Variants in LUZP2 observed in about 807,000 individuals in gnomAD.
LUZP2 encodes the protein leucine zipper protein 2.
In LUZP2, 52 loss-of-function variants were observed where a neutral mutation model predicts 51.6. The ratio of observed to expected loss-of-function variants is 1.01; its 90% confidence interval spans 0.81 to 1.27. The LOEUF (loss-of-function observed/expected upper bound fraction) is 1.27, where lower values mean the gene tolerates loss of function less well. Among genes scored for constraint, LUZP2 ranks in the 50% most tolerant of loss-of-function variants. The pLI is 0.00. For missense variants in LUZP2, 436 were observed against 395.4 expected (o/e 1.10, Z -0.87); for synonymous variants, 154 against 137.3 (o/e 1.12, Z -0.85).
At chr11:24,558,898 C>T (rs1851950634) in intron 1 of LUZP2, among the ~76,000 whole-genome samples, 1 of 152,088 alleles carries the variant, frequency 6.6e-6, no homozygotes, top group Non-Finnish European at 1.5e-5. Flanking sequence ...ATTTCCAAAC[C>T]CCAGAGTGTA....
At chr11:24,962,102 T>C (rs930311315) in intron 7 of LUZP2, among the ~76,000 whole-genome samples, 8 of 152,168 alleles carry the variant, frequency 5.3e-5, no homozygotes, top group African/African-American at 1.9e-4. Context: ...TTGTAGAGTT[T>C]CTGCTGAGAG....
intron 5 of LUZP2, among the ~76,000 whole-genome samples, chr11:24,807,225 G>A (rs1364647354): frequency 6.6e-6 from 1 of 151,992 alleles, no homozygotes; most frequent in Non-Finnish European, 1.5e-5. Flanking sequence ...GGAGGCCAAG[G>A]TGGGAGGTGG....
chr11:24,625,457 A>G (rs1469840766), intron 1 of LUZP2, among the ~76,000 whole-genome samples: 2 of 152,070 alleles, frequency 1.3e-5, no homozygotes, highest in Non-Finnish European at 2.9e-5. Context: ...TATGTTAATT[A>G]GCTTCATTGT....
At chr11:24,640,268 A>G (rs1855235229) in intron 1 of LUZP2, among the ~76,000 whole-genome samples, 2 of 151,920 alleles carry the variant, frequency 1.3e-5, no homozygotes, top group African/African-American at 4.9e-5. Flanking sequence ...GCTGGGCGGA[A>G]AGTTAAGGGC....
chr11:24,521,112 A>T (rs960270661), intron 1 of LUZP2, among the ~76,000 whole-genome samples: 6 of 152,160 alleles, frequency 3.9e-5, no homozygotes, highest in African/African-American at 1.4e-4. Flanking sequence ...GCACTTTGGG[A>T]GGCCAAGGTG....
chr11:24,821,898 C>T (rs1030392935), intron 5 of LUZP2, among the ~76,000 whole-genome samples: 1 of 149,668 alleles, frequency 6.7e-6, no homozygotes, highest in Non-Finnish European at 1.5e-5. Context: ...TATTTAAAAG[C>T]TTCTGATTTA....
intron 1 of LUZP2, among the ~76,000 whole-genome samples, chr11:24,708,663 C>T (rs1590378659): frequency 1.3e-5 from 2 of 152,088 alleles, no homozygotes; most frequent in Non-Finnish European, 2.9e-5. Context: ...TGGTTCTTCA[C>T]CCCCACAAGA....
At chr11:24,762,095 A>ATCAC (rs1860002794) in intron 4 of LUZP2, among the ~76,000 whole-genome samples, 1 of 152,122 alleles carries the variant, frequency 6.6e-6, no homozygotes, top group Non-Finnish European at 1.5e-5. Flanking sequence ...CATTTTACGT[A>ATCAC]TTCTTGTTCT....
intron 9 of LUZP2, among the ~76,000 whole-genome samples, chr11:25,002,905 G>A (rs561121692): frequency 6.6e-6 from 1 of 152,190 alleles, no homozygotes; most frequent in East Asian, 1.9e-4. Flanking sequence ...ACAGGAGCCT[G>A]GCTACCTTGC....
intron 1 of LUZP2, among the ~76,000 whole-genome samples, chr11:24,654,566 G>T (rs578171215): frequency 6.6e-6 from 1 of 151,850 alleles, no homozygotes; most frequent in East Asian, 1.9e-4. Context: ...ACAGTGGCGC[G>T]ATCTCTGCTC....
At chr11:24,575,961 A>G (rs1420868847) in intron 1 of LUZP2, among the ~76,000 whole-genome samples, 1 of 152,174 alleles carries the variant, frequency 6.6e-6, no homozygotes, top group Non-Finnish European at 1.5e-5. Context: ...GCCTGCATTC[A>G]AATAATTGAA....
At chr11:24,860,165 G>C (rs980627568) in intron 5 of LUZP2, among the ~76,000 whole-genome samples, 5 of 152,162 alleles carry the variant, frequency 3.3e-5, no homozygotes, top group African/African-American at 1.2e-4. Context: ...CAACACACTG[G>C]CTGTCATCCG....
At chr11:24,845,294 A>G (rs2403975) in intron 5 of LUZP2, among the ~76,000 whole-genome samples, 24,714 of 152,166 alleles carry the variant, frequency 0.16, 2,070 homozygotes, top group South Asian at 0.22. Flanking sequence ...GCCCTGCTGG[A>G]TTTCAGATTT....
At chr11:24,574,447 G>C in intron 1 of LUZP2, among the ~76,000 whole-genome samples, 1 of 148,104 alleles carries the variant, frequency 6.8e-6, no homozygotes, top group East Asian at 2.0e-4. Context: ...TAGTATATTT[G>C]TGTGAGTATG....
intron 1 of LUZP2, among the ~76,000 whole-genome samples, chr11:24,532,298 A>G (rs1404565833): frequency 6.6e-6 from 1 of 151,008 alleles, no homozygotes; most frequent in African/African-American, 2.4e-5. Flanking sequence ...ATAATTTAAT[A>G]TACAATCTGT....
chr11:24,640,727 T>C (rs971041463), intron 1 of LUZP2, among the ~76,000 whole-genome samples: 11 of 151,874 alleles, frequency 7.2e-5, no homozygotes, highest in Admixed American at 5.9e-4. Context: ...TAGGATGTTA[T>C]GTAGATAAGC....
At chr11:24,894,776 A>T (rs949390909) in intron 5 of LUZP2, among the ~76,000 whole-genome samples, 8 of 152,216 alleles carry the variant, frequency 5.3e-5, no homozygotes. Context: ...TTTCCATTTA[A>T]AACAAATTAT....
intron 1 of LUZP2, among the ~76,000 whole-genome samples, chr11:24,582,362 T>C (rs1590206563): frequency 7.8e-6 from 1 of 128,092 alleles, no homozygotes. Flanking sequence ...TAGAAATAAA[T>C]AGAGAGATGA....
intron 4 of LUZP2, among the ~76,000 whole-genome samples, chr11:24,747,767 G>A (rs10834473): frequency 6.6e-6 from 1 of 151,844 alleles, no homozygotes; most frequent in South Asian, 2.1e-4. Flanking sequence ...GTTCCCAGGT[G>A]ACTGGAGTTG....
Sources: gnomAD v4.1 joint callset for allele counts (sites outside exome capture counted in the v4.1 genomes callset) on GRCh38, gnomAD v4.1.1 for gene constraint, MANE v1.5 for transcripts, NCBI Gene and HGNC (gene_info 2026-07-23, HGNC 2026-07-21) for gene names.